Variants in ATAD2B observed in about 807,000 individuals in gnomAD.
The protein encoded by ATAD2B is ATPase family AAA domain-containing protein 2B.
In ATAD2B, 40 loss-of-function variants were observed where a neutral mutation model predicts 167.6. That is an observed-to-expected ratio of 0.24 (90% CI 0.19 to 0.31). The LOEUF (loss-of-function observed/expected upper bound fraction) is 0.31. Ranked by LOEUF, ATAD2B falls within the 10% of genes least tolerant of loss-of-function variation. The probability of loss-of-function intolerance (pLI) is 1.00; values close to 1 mark genes in which losing one functional copy is unlikely to be tolerated. For synonymous variants in ATAD2B, 579 were observed against 596.5 expected (o/e 0.97, Z 0.43); for missense variants, 1,242 against 1,757.2 (o/e 0.71, Z 5.24).
At chr2:23,801,256 G>A (rs1305581769) in intron 18 of ATAD2B, among the ~76,000 whole-genome samples, 4 of 151,946 alleles carry the variant, frequency 2.6e-5, no homozygotes, top group African/African-American at 9.7e-5. Context: ...ATACTATTAT[G>A]ATTTTTTTCT....
intron 7 of ATAD2B, among the ~76,000 whole-genome samples, 180 bp downstream of exon 7, chr2:23,880,459 A>C (rs1468885020): frequency 6.6e-6 from 1 of 151,790 alleles, no homozygotes; most frequent in East Asian, 1.9e-4. Context: ...GCTACTCGGG[A>C]GGCTGAAGCA....
At chr2:23,850,431 G>T (rs1015825599) in intron 13 of ATAD2B, among the ~76,000 whole-genome samples, 1 of 152,082 alleles carries the variant, frequency 6.6e-6, no homozygotes, top group African/African-American at 2.4e-5. Flanking sequence ...TAGAAAAAAA[G>T]AAAAGTTTCA....
At chr2:23,714,909 T>C in the ATAD2B span, among the ~76,000 whole-genome samples, 29 of 152,206 alleles carry the variant, frequency 1.9e-4, no homozygotes, top group Non-Finnish European at 2.9e-4. Flanking sequence ...AGGAATAAGA[T>C]TGATATTCTC....
the ATAD2B span, among the ~76,000 whole-genome samples, chr2:23,739,188 C>T: frequency 3.3e-5 from 5 of 152,158 alleles, no homozygotes; most frequent in African/African-American, 1.2e-4. Context: ...CTCAGCTCTG[C>T]ACCAAGTGGA....
intron 14 of ATAD2B, 21 bp from the exon 15 acceptor site, chr2:23,828,960 A>G: frequency 6.7e-7 from 1 of 1,499,882 alleles, no homozygotes; most frequent in Non-Finnish European, 9.2e-7. Context: ...AAGCACAGAT[A>G]CATAAAATCT....
rs148077969 is a variant in ATAD2B, at chr2:23,913,965, C to T, written c.216+12590G>A. Among the ~76,000 whole-genome samples, 222 of 151,180 alleles carry T rather than the reference C, an allele frequency of 1.5e-3. 2 individuals are homozygous for T. The highest frequency in any genetic ancestry group is 4.8e-3 in the African/African-American group (196 of 41,208). On this transcript the variant is annotated intron_variant, in intron 1 of 27. Transcript: ENST00000238789. ...CTGGGTGACAGAGCAGGACCCTGGTCAAAAAAAACCACACCAGTATGGACC... is the reference window on the plus strand; with the variant it reads ...CTGGGTGACAGAGCAGGACCCTGGTTAAAAAAAACCACACCAGTATGGACC...
chr2:23,712,225 A>G, the ATAD2B span, among the ~76,000 whole-genome samples: 1 of 152,198 alleles, frequency 6.6e-6, no homozygotes, highest in Admixed American at 6.5e-5. Context: ...TTTTTAAGGC[A>G]CAATCCTCCT....
rs536309239 is a variant in ATAD2B, at chr2:23,818,147, G to C, written c.2267+1600C>G. ...TTACACACACACACACACACAGAGAGAGAGAAGGAGGGAGGGAAGAAGAGA... is the reference window on the plus strand; with the variant it reads ...TTACACACACACACACACACAGAGACAGAGAAGGAGGGAGGGAAGAAGAGA... On this transcript the variant is annotated intron_variant, in intron 17 of 27. Transcript: ENST00000238789. Among the ~76,000 whole-genome samples, 256 of 119,502 alleles carry C rather than the reference G, an allele frequency of 2.1e-3. 7 individuals carry two copies. The highest frequency in any genetic ancestry group is 9.0e-3 in the East Asian group (39 of 4,350). 78.4% of individuals were successfully genotyped at this position (119,502 alleles called of 152,430 possible).
the ATAD2B span, among the ~76,000 whole-genome samples, chr2:23,741,362 T>A: frequency 1.6e-3 from 242 of 152,062 alleles, 2 homozygotes; most frequent in African/African-American, 5.0e-3. Flanking sequence ...GAGATATAGA[T>A]CAATGGAACA....
chr2:23,721,682 C>T, the ATAD2B span, among the ~76,000 whole-genome samples: 2 of 152,152 alleles, frequency 1.3e-5, no homozygotes, highest in Admixed American at 6.5e-5. Context: ...AACCAAGCAG[C>T]TGTATGCCCA....
In ATAD2B at chr2:23,919,766, C is replaced by A. The variant is rs190805465; in HGVS notation, c.216+6789G>T. Among the ~76,000 whole-genome samples the A allele has an allele frequency of 1.1e-4, 17 of 151,624 alleles. No homozygotes were observed. In the East Asian group the frequency reaches 3.3e-3, roughly 29 times the overall value. On this transcript the variant is annotated intron_variant, in intron 1 of 27. Coordinates refer to ENST00000238789, the MANE Select transcript of ATAD2B (RefSeq NM_017552.4). ...TCTGAGGCAGGAGAATCACTTGAAC[C>A]CAGGAAGCACACAGATTACAGTGAG...
At chr2:23,712,567 A>G in the ATAD2B span, among the ~76,000 whole-genome samples, 2 of 152,158 alleles carry the variant, frequency 1.3e-5, no homozygotes, top group Admixed American at 1.3e-4. Flanking sequence ...AGGGGAGAAC[A>G]GCATAAGTGC....
At chr2:23,765,238 C>A (rs1677248057) in intron 23 of ATAD2B, among the ~76,000 whole-genome samples, 1 of 152,126 alleles carries the variant, frequency 6.6e-6, no homozygotes, top group Admixed American at 6.6e-5. Flanking sequence ...GAAATCAATT[C>A]TTAAAAAAGA....
intron 22 of ATAD2B, among the ~76,000 whole-genome samples, chr2:23,768,410 A>C (rs1233585953): frequency 6.6e-6 from 1 of 151,966 alleles, no homozygotes; most frequent in Admixed American, 6.6e-5. Flanking sequence ...CCCTGTACAA[A>C]AAGTACAAAA....
chr2:23,890,157 G>A (rs933593740), intron 2 of ATAD2B, among the ~76,000 whole-genome samples: 12 of 152,130 alleles, frequency 7.9e-5, no homozygotes, highest in African/African-American at 2.9e-4. Flanking sequence ...GGAGCTTACA[G>A]TGAGCCGAGA....
chr2:23,751,777 C>G lies in ATAD2B; in HGVS notation c.*269G>C, dbSNP rs909074935. The G allele has an allele frequency of 2.1e-6, 1 of 466,370 alleles. No homozygotes were observed. Among genetic ancestry groups the G allele is most frequent in the Non-Finnish European group, 3.8e-6 (1 of 261,910 alleles). 28.9% of individuals were successfully genotyped at this position (466,370 alleles called of 1,614,324 possible). A position where few individuals can be genotyped will look rare whatever the true frequency, so the allele number is the denominator to read the frequency against. ...AGAGGAGCAGAAGCGAGAGCAGTTTCTGTAGCACCAAAATCTCCAAGCTGT... is the reference window on the plus strand; with the variant it reads ...AGAGGAGCAGAAGCGAGAGCAGTTTGTGTAGCACCAAAATCTCCAAGCTGT... On this transcript the variant is annotated 3_prime_UTR_variant, in exon 28 of 28. Coordinates refer to ENST00000238789, the MANE Select transcript of ATAD2B (RefSeq NM_017552.4).
chr2:23,876,764 A>G (rs1466487438), intron 7 of ATAD2B, among the ~76,000 whole-genome samples: 1 of 152,150 alleles, frequency 6.6e-6, no homozygotes, highest in Admixed American at 6.5e-5. Context: ...TCTTAGATAC[A>G]TGATCCATTA....
chr2:23,752,395 T>A (rs896561793), intron 27 of ATAD2B, among the ~76,000 whole-genome samples: 2 of 148,664 alleles, frequency 1.3e-5, no homozygotes, highest in African/African-American at 4.9e-5. Flanking sequence ...AGGATGATGA[T>A]AGCAACACTT....
chr2:23,877,379 A>G (rs961923400), intron 7 of ATAD2B, among the ~76,000 whole-genome samples: 20 of 151,474 alleles, frequency 1.3e-4, no homozygotes, highest in African/African-American at 4.8e-4. Flanking sequence ...CTGTAATCCC[A>G]GCTACTTAAG....
Sources: gnomAD v4.1 joint callset for allele counts (sites outside exome capture counted in the v4.1 genomes callset) on GRCh38, gnomAD v4.1.1 for gene constraint, MANE v1.5 for transcripts, NCBI Gene and HGNC (gene_info 2026-07-23, HGNC 2026-07-21) for gene names.